The following BACH2 variants were observed in gnomAD, a reference collection of about 807,000 sequenced individuals.
BACH2 encodes the protein BACH transcriptional regulator 2.
Under a neutral mutation model 61.8 loss-of-function variants are expected in BACH2, and 5 were observed. That is an observed-to-expected ratio of 0.08 (90% CI 0.04 to 0.17). The LOEUF is 0.17. Among genes scored for constraint, BACH2 ranks in the 10% least tolerant of loss-of-function variants. The pLI, the probability that BACH2 is intolerant of heterozygous loss-of-function variation, is 1.00. For missense variants in BACH2, 824 were observed against 1,091.1 expected (o/e 0.76, Z 3.45); for synonymous variants, 446 against 440.1 (o/e 1.01, Z -0.17).
chr6:90,286,775 GA>G (rs1008971903), intron 1 of BACH2, among the ~76,000 whole-genome samples: 4 of 150,586 alleles, frequency 2.7e-5, no homozygotes, highest in African/African-American at 4.9e-5. Flanking sequence ...AGTATTGTTA[GA>G]AAAAAAATCT....
intron 3 of BACH2, among the ~76,000 whole-genome samples, chr6:90,240,180 C>T (rs561443082): frequency 6.6e-6 from 1 of 152,098 alleles, no homozygotes; most frequent in Non-Finnish European, 1.5e-5. Flanking sequence ...AAGTTTAATA[C>T]AAAACATTTG....
chr6:89,977,431 C>A (rs1307351746), intron 6 of BACH2, among the ~76,000 whole-genome samples: 2 of 152,136 alleles, frequency 1.3e-5, no homozygotes, highest in African/African-American at 4.8e-5. Context: ...GGTTCCAGTT[C>A]AGTGATTGAA....
chr6:90,252,901 A>G (rs1770856147), intron 2 of BACH2, among the ~76,000 whole-genome samples: 1 of 152,228 alleles, frequency 6.6e-6, no homozygotes, highest in South Asian at 2.1e-4. Context: ...TAATAAAGAC[A>G]CTGTTCTCAA....
intron 4 of BACH2, among the ~76,000 whole-genome samples, chr6:90,142,427 T>A (rs1433207403): frequency 6.6e-6 from 1 of 152,204 alleles, no homozygotes; most frequent in Non-Finnish European, 1.5e-5. Flanking sequence ...TCTGTTGAAT[T>A]TCAACACTTA....
intron 3 of BACH2, among the ~76,000 whole-genome samples, chr6:90,246,265 T>C (rs552056266): frequency 6.6e-6 from 1 of 152,376 alleles, no homozygotes; most frequent in East Asian, 1.9e-4. Flanking sequence ...AGTTGATTAC[T>C]GTACTTTTAT....
intron 4 of BACH2, among the ~76,000 whole-genome samples, chr6:90,194,102 T>C (rs1768671064): frequency 6.6e-6 from 1 of 152,036 alleles, no homozygotes; most frequent in Non-Finnish European, 1.5e-5. Context: ...AGCATTTCTA[T>C]CAAGTAGCCC....
chr6:90,237,676 C>T (rs1265595759), intron 3 of BACH2, among the ~76,000 whole-genome samples: 1 of 152,212 alleles, frequency 6.6e-6, no homozygotes, highest in African/African-American at 2.4e-5. Context: ...CCTCTGGAAA[C>T]ACTGTAGTCA....
chr6:90,017,373 C>A (rs1490096811), intron 5 of BACH2, among the ~76,000 whole-genome samples: 1 of 152,048 alleles, frequency 6.6e-6, no homozygotes, highest in African/African-American at 2.4e-5. Context: ...GTGTGTGCCA[C>A]CATACCCAGC....
chr6:89,985,390 G>A (rs1266776049), intron 6 of BACH2, among the ~76,000 whole-genome samples: 2 of 152,166 alleles, frequency 1.3e-5, no homozygotes, highest in Admixed American at 6.5e-5. Flanking sequence ...AGCCTCTGTG[G>A]TGACAGGCCA....
At chr6:90,200,251 C>T (rs1768913202) in intron 4 of BACH2, among the ~76,000 whole-genome samples, 1 of 152,104 alleles carries the variant, frequency 6.6e-6, no homozygotes, top group Non-Finnish European at 1.5e-5. Flanking sequence ...TCTAAGGGTG[C>T]CCCTCCCAAG....
chr6:90,287,819 AG>A (rs1435886930), intron 1 of BACH2, among the ~76,000 whole-genome samples: 1 of 152,228 alleles, frequency 6.6e-6, no homozygotes, highest in Admixed American at 6.5e-5. Flanking sequence ...GCTTCAGAAA[AG>A]TAACACATTA....
chr6:90,089,700 A>T (rs1782081928), intron 4 of BACH2, among the ~76,000 whole-genome samples: 1 of 152,158 alleles, frequency 6.6e-6, no homozygotes, highest in Non-Finnish European at 1.5e-5. Context: ...GACACCGATA[A>T]ATCACTAATG....
At chr6:89,977,921 G>A (rs1775743869) in intron 6 of BACH2, among the ~76,000 whole-genome samples, 2 of 152,160 alleles carry the variant, frequency 1.3e-5, no homozygotes, top group South Asian at 2.1e-4. Flanking sequence ...AGCGTACGCT[G>A]GATCTATTTT....
chr6:90,122,455 A>G (rs772588916), intron 4 of BACH2, among the ~76,000 whole-genome samples: 2 of 152,350 alleles, frequency 1.3e-5, no homozygotes, highest in East Asian at 1.9e-4. Flanking sequence ...GAAGGCAGTA[A>G]GATGGGATAC....
chr6:90,248,250 A>G (rs567474553), intron 3 of BACH2, among the ~76,000 whole-genome samples: 2 of 152,322 alleles, frequency 1.3e-5, no homozygotes, highest in Middle Eastern at 3.4e-3. Flanking sequence ...TCAGTACTTA[A>G]CACTCCTGAC....
At chr6:90,179,828 AG>A (rs1768099406) in intron 4 of BACH2, among the ~76,000 whole-genome samples, 1 of 152,258 alleles carries the variant, frequency 6.6e-6, no homozygotes, top group African/African-American at 2.4e-5. Flanking sequence ...CCAATGCCAT[AG>A]AACTAATAGC....
At chr6:90,244,856 A>G (rs1275375515) in intron 3 of BACH2, among the ~76,000 whole-genome samples, 2 of 152,222 alleles carry the variant, frequency 1.3e-5, no homozygotes, top group African/African-American at 4.8e-5. Flanking sequence ...TAACCAAACA[A>G]GAACCGTGAA....
chr6:90,163,450 T>C (rs956086912), intron 4 of BACH2, among the ~76,000 whole-genome samples: 19 of 152,206 alleles, frequency 1.2e-4, no homozygotes, highest in African/African-American at 4.6e-4. Flanking sequence ...CCTGCCCCAC[T>C]AATTTTTATT....
intron 3 of BACH2, among the ~76,000 whole-genome samples, chr6:90,216,430 T>C (rs747700870): frequency 3.3e-5 from 5 of 152,066 alleles, no homozygotes; most frequent in African/African-American, 1.2e-4. Flanking sequence ...TGAGGGGAAG[T>C]TCCCTTTCTG....
Sources: allele counts gnomAD v4.1 joint callset (sites outside exome capture counted in the v4.1 genomes callset), GRCh38; gene constraint gnomAD v4.1.1; transcripts MANE v1.5; gene names NCBI Gene and HGNC (gene_info 2026-07-23, HGNC 2026-07-21).